The following PCDHGA9 variants were observed in gnomAD, a reference collection of about 807,000 sequenced individuals.
The protein encoded by PCDHGA9 is protocadherin gamma subfamily A, 9.
In PCDHGA9, 37 loss-of-function variants were observed where a neutral mutation model predicts 62.5. The ratio of observed to expected loss-of-function variants is 0.59; its 90% CI spans 0.46 to 0.78. The LOEUF (loss-of-function observed/expected upper bound fraction) is 0.78. PCDHGA9 is among the 30% of genes least tolerant of loss of function. PCDHGA9 has a pLI of 0.00. For missense variants in PCDHGA9, 1,138 were observed against 1,166.2 expected, an observed-to-expected ratio of 0.98 and a Z score of 0.35; for synonymous variants, 459 against 484.6, an observed-to-expected ratio of 0.95 and a Z score of 0.69.
At chr5:141,410,060 G>C in intron 1 of PCDHGA9, 1 of 1,613,108 alleles carries the variant, frequency 6.2e-7, no homozygotes, top group Non-Finnish European at 8.5e-7. Flanking sequence ...CTTCAGCCTG[G>C]GGCTGCGCAC....
intron 1 of PCDHGA9, chr5:141,423,565 C>G: frequency 1.2e-6 from 2 of 1,613,594 alleles, no homozygotes; most frequent in Non-Finnish European, 1.7e-6. Context: ...TGGGGACACG[C>G]TCATCAGCCA....
chr5:141,441,905 C>G, intron 1 of PCDHGA9: 1 of 348,464 alleles, frequency 2.9e-6, no homozygotes, highest in Non-Finnish European at 5.5e-6. Flanking sequence ...GCTGTAGACG[C>G]AGATGTGAGA....
chr5:141,441,036 A>G (rs2098219746), intron 1 of PCDHGA9: 1 of 152,216 alleles, frequency 6.6e-6, no homozygotes, highest in South Asian at 2.1e-4. Context: ...TGAAAACTTT[A>G]AGTACATTGG....
intron 1 of PCDHGA9, among the ~76,000 whole-genome samples, chr5:141,407,316 GTATTTATAAA>G (rs2094915018): frequency 6.6e-6 from 1 of 152,094 alleles, no homozygotes; most frequent in Non-Finnish European, 1.5e-5. Flanking sequence ...TTCATACTTA[GTATTTATAAA>G]TATTGAAATG....
At chr5:141,423,341 TC>T (rs767448191) in intron 1 of PCDHGA9, 181 of 1,614,176 alleles carry the variant, frequency 1.1e-4, no homozygotes, top group Admixed American at 2.7e-4. Context: ...TCCTGCATCT[TC>T]CTGGTCTTTG....
In PCDHGA9 at chr5:141,422,509, C is replaced by G. The variant is rs1249006816; in HGVS notation, c.2424+17133C>G. On this transcript the variant is annotated intron_variant, in intron 1 of 3. Coordinates refer to ENST00000573521, the MANE Select transcript of PCDHGA9 (RefSeq NM_018921.3). ...CAATATAACGTTGACAGCCACAGAC[C>G]AGGGAAGCCCGCCTTTGTCTGCAGA... The G allele has an allele frequency of 1.9e-6, 3 of 1,613,836 alleles. No homozygotes were observed. In the South Asian group the frequency reaches 3.3e-5, roughly 18 times the overall value.
chr5:141,496,284 G>A (rs1052943936), intron 2 of PCDHGA9, among the ~76,000 whole-genome samples: 6 of 152,210 alleles, frequency 3.9e-5, no homozygotes, highest in Admixed American at 1.3e-4. Context: ...CAGTTGGTCT[G>A]AGCAGAGTGG....
chr5:141,430,328 T>C (rs961978065), intron 1 of PCDHGA9, among the ~76,000 whole-genome samples: 1 of 152,036 alleles, frequency 6.6e-6, no homozygotes, highest in Non-Finnish European at 1.5e-5. Flanking sequence ...AAATCATTGT[T>C]TATAGAAACT....
chr5:141,490,229 T>C lies in PCDHGA9; in HGVS notation c.2425-4578T>C. The C allele has an allele frequency of 6.2e-7, 1 of 1,614,198 alleles. No individual in the cohort carries two copies. Among genetic ancestry groups the C allele is most frequent in the Non-Finnish European group, 8.5e-7 (1 of 1,180,034 alleles). On this transcript the variant is annotated intron_variant, in intron 1 of 3. Coordinates refer to ENST00000573521, the MANE Select transcript of PCDHGA9 (RefSeq NM_018921.3). The surrounding 1 kb of genome is among the most constrained non-coding windows in gnomAD (Gnocchi z 5.4). ...GCCCGTGACCAGGGACAGCCTGCCA[T>C]GGAGGGCCACTGTGTGATTCAAGTG... is the stretch of plus-strand genomic sequence containing the variant.
Position 141,490,749 on chromosome 5 carries a change from C to T in PCDHGA9, c.2425-4058C>T, listed in dbSNP as rs777124697. 3.1e-6 allele frequency: 5 copies of T among 1,614,098 alleles called. No individual in the cohort carries two copies. The South Asian group carries it at 5.5e-5, about 18-fold the overall frequency. ...GAAATCAGGTTCAGGGAGCCCCAGC[C>T]TCCTCCTTTGTGTATGTCAACCCAG... On this transcript the variant is annotated intron_variant, in intron 1 of 3. Coordinates refer to ENST00000573521, the MANE Select transcript of PCDHGA9 (RefSeq NM_018921.3). The surrounding 1 kb of genome is among the most constrained non-coding windows in gnomAD (Gnocchi z 5.4).
rs765359583 is a variant in PCDHGA9 at position 141,403,853 on chromosome 5, A to G, written c.901A>G (p.Ile301Val). ...LFQLNENTGE[I>V]STAKSLDYEE... Reference sequence around the variant, plus strand: ...CCAGCTTAATGAAAATACTGGGGAAATATCAACAGCAAAAAGTCTAGATTA... The same window carrying G: ...CCAGCTTAATGAAAATACTGGGGAAGTATCAACAGCAAAAAGTCTAGATTA... The change falls in exon 1 of 4, where the codon ATA becomes GTA. Residue 301 changes from isoleucine (I) to valine (V), a missense_variant. Ile to Val is a conservative substitution (Grantham distance 29, BLOSUM62 3). Transcript: ENST00000573521. The G allele has an allele frequency of 1.9e-6, 3 of 1,613,726 alleles. No homozygotes were observed. The highest frequency in any genetic ancestry group is 2.5e-6 in the Non-Finnish European group (3 of 1,179,830).
chr5:141,504,241 A>G (rs1282647590), intron 2 of PCDHGA9, among the ~76,000 whole-genome samples: 1 of 152,156 alleles, frequency 6.6e-6, no homozygotes, highest in Non-Finnish European at 1.5e-5. Flanking sequence ...AGAAGCAGAG[A>G]GTTCTTCTTA....
chr5:141,432,746 G>T lies in PCDHGA9; in HGVS notation c.2424+27370G>T, dbSNP rs772043134. The T allele has an allele frequency of 6.2e-7, 1 of 1,614,098 alleles. No individual in the cohort carries two copies. Among genetic ancestry groups the T allele is most frequent in the Non-Finnish European group, 8.5e-7 (1 of 1,179,992 alleles). Reference sequence around the variant, plus strand: ...CTCCGCCACTGTCACGCTCACCGTGGCCGTGGCCGACAGCATCCCCCAAGT... The same window carrying T: ...CTCCGCCACTGTCACGCTCACCGTGTCCGTGGCCGACAGCATCCCCCAAGT... On this transcript the variant is annotated intron_variant, in intron 1 of 3. Transcript: ENST00000573521. This position sits in a 1 kb window ranked among gnomAD's most constrained non-coding sequence, Gnocchi z 6.0.
chr5:141,415,419 C>T (rs2095868053), intron 1 of PCDHGA9: 1 of 1,614,196 alleles, frequency 6.2e-7, no homozygotes, highest in Non-Finnish European at 8.5e-7. Context: ...TGGGCGTGGA[C>T]GGGGTTCGGG....
chr5:141,423,082 G>A (rs1390567548), intron 1 of PCDHGA9: 3 of 1,614,078 alleles, frequency 1.9e-6, no homozygotes, highest in Admixed American at 1.7e-5. Flanking sequence ...GGGACTCTTC[G>A]CGGTGGGGGA....
In PCDHGA9 at chr5:141,489,872, T is replaced by A. The variant is rs2099693206; in HGVS notation, c.2425-4935T>A. 1 of 1,614,090 alleles carries A rather than the reference T, an allele frequency of 6.2e-7. No homozygotes were observed. The highest frequency in any genetic ancestry group is 8.5e-7 in the Non-Finnish European group (1 of 1,180,016). On this transcript the variant is annotated intron_variant, in intron 1 of 3. Coordinates refer to ENST00000573521, the MANE Select transcript of PCDHGA9 (RefSeq NM_018921.3). The surrounding 1 kb of genome is among the most constrained non-coding windows in gnomAD (Gnocchi z 4.5). ...GAAGCCCAGGCAAGACATCAGCTGG[T>A]GCTTACTGCTGTGGATGGGGGGACC...
At chr5:141,498,361 T>C (rs1256361883) in intron 2 of PCDHGA9, among the ~76,000 whole-genome samples, 1 of 151,460 alleles carries the variant, frequency 6.6e-6, no homozygotes, top group African/African-American at 2.4e-5. Flanking sequence ...GCAAAAGCCT[T>C]GTGGTGAGGC....
Position 141,489,980 on chromosome 5 carries a change from T to G in PCDHGA9, c.2425-4827T>G, listed in dbSNP as rs2099694325. 1.2e-6 allele frequency: 2 copies of G among 1,614,204 alleles called. No individual in the cohort carries two copies. The highest frequency in any genetic ancestry group is 1.7e-6 in the Non-Finnish European group (2 of 1,180,012). On this transcript the variant is annotated intron_variant, in intron 1 of 3. Transcript: ENST00000573521. This position sits in a 1 kb window ranked among gnomAD's most constrained non-coding sequence, Gnocchi z 4.5. ...GCTCCAACCTTCCAATCCTCAGTTC[T>G]ACGTGTGGGAATCCCAGAGAATGCA...
At chr5:141,437,589 T>C (rs929281293) in intron 1 of PCDHGA9, among the ~76,000 whole-genome samples, 10 of 152,306 alleles carry the variant, frequency 6.6e-5, no homozygotes, top group African/African-American at 2.2e-4. Flanking sequence ...ATGAATTGGA[T>C]AGTTCTGGTG....
Sources: gnomAD v4.1 joint callset for allele counts (sites outside exome capture counted in the v4.1 genomes callset) on GRCh38, gnomAD v4.1.1 for gene constraint, Gnocchi (gnomAD v3.1) non-coding constraint, MANE v1.5 for transcripts, NCBI Gene and HGNC (gene_info 2026-07-23, HGNC 2026-07-21) for gene names.